The following SLC67A2 variants were observed in gnomAD, a reference collection of about 807,000 sequenced individuals.
The protein encoded by SLC67A2 is solute carrier family 67 member 2, also known as solute carrier family 67 member A2.
At chr2:102,720,429 A>G in the SLC67A2 span, among the ~76,000 whole-genome samples, 1 of 152,224 alleles carries the variant, frequency 6.6e-6, no homozygotes, top group Non-Finnish European at 1.5e-5. Flanking sequence ...TGATGATGGC[A>G]ACTAACTTCT....
At chr2:102,727,896 T>G in the SLC67A2 span, among the ~76,000 whole-genome samples, 1 of 152,342 alleles carries the variant, frequency 6.6e-6, no homozygotes, top group Admixed American at 6.5e-5. Context: ...TTTGCCTTTT[T>G]TCCTGATAAT....
chr2:102,736,789 C>T, the SLC67A2 span: 1 of 1,612,680 alleles, frequency 6.2e-7, no homozygotes, highest in Non-Finnish European at 8.5e-7. Context: ...GAGTTCATGT[C>T]CCAGTGACCC....
chr2:102,724,035 G>T, the SLC67A2 span: 1 of 773,726 alleles, frequency 1.3e-6, no homozygotes, highest in Non-Finnish European at 2.2e-6. Context: ...AGGCAGCTAT[G>T]CTCACCACTA....
At chr2:102,729,117 G>A in the SLC67A2 span, among the ~76,000 whole-genome samples, 1 of 151,932 alleles carries the variant, frequency 6.6e-6, no homozygotes, top group Admixed American at 6.6e-5. Flanking sequence ...CAGAAGTATG[G>A]GTTAAAAAGG....
the SLC67A2 span, chr2:102,718,719 C>T: frequency 3.1e-3 from 5,036 of 1,613,890 alleles, 110 homozygotes; most frequent in African/African-American, 0.053. Context: ...AGGACAACTG[C>T]ACCCATGGTG....
At chr2:102,718,336 CT>C in the SLC67A2 span, 1 of 1,519,988 alleles carries the variant, frequency 6.6e-7, no homozygotes, top group African/African-American at 1.4e-5. Context: ...CACCCCAACC[CT>C]TTCCAAAGTG....
chr2:102,732,268 G>T, the SLC67A2 span: 4 of 1,421,466 alleles, frequency 2.8e-6, no homozygotes, highest in Admixed American at 5.2e-5. Flanking sequence ...CAGGTACTTG[G>T]TTCAGAGGAT....
the SLC67A2 span, among the ~76,000 whole-genome samples, chr2:102,719,815 C>T: frequency 3.2e-4 from 49 of 152,290 alleles, no homozygotes; most frequent in Non-Finnish European, 5.9e-4. Flanking sequence ...TTGGCTTGAC[C>T]GATGGGCAGG....
chr2:102,735,383 C>T, the SLC67A2 span, among the ~76,000 whole-genome samples: 1 of 152,174 alleles, frequency 6.6e-6, no homozygotes, highest in Non-Finnish European at 1.5e-5. Context: ...CAACTGAACG[C>T]CTTGCATGGA....
At chr2:102,723,997 T>G in the SLC67A2 span, 2 of 1,120,686 alleles carry the variant, frequency 1.8e-6, no homozygotes, top group Non-Finnish European at 2.7e-6. Context: ...CTATCCCTGA[T>G]GGAGTTCTGA....
chr2:102,736,882 C>T, the SLC67A2 span: 1 of 1,487,272 alleles, frequency 6.7e-7, no homozygotes, highest in Non-Finnish European at 8.9e-7. Context: ...CCGCCCCGAG[C>T]GGAAGCAGGA....
the SLC67A2 span, among the ~76,000 whole-genome samples, chr2:102,723,462 T>C: frequency 6.6e-6 from 1 of 151,518 alleles, no homozygotes; most frequent in Non-Finnish European, 1.5e-5. Context: ...AGAGCAAAAC[T>C]TGGTCTCAAA....
At chr2:102,729,771 C>A in the SLC67A2 span, among the ~76,000 whole-genome samples, 1 of 152,084 alleles carries the variant, frequency 6.6e-6, no homozygotes, top group East Asian at 1.9e-4. Flanking sequence ...AGATACCAAA[C>A]TACTTTGCTG....
chr2:102,721,659 G>C, the SLC67A2 span, among the ~76,000 whole-genome samples: 9 of 148,754 alleles, frequency 6.1e-5, no homozygotes, highest in African/African-American at 2.2e-4. Context: ...TCATAGTCCT[G>C]TGTGTGTGTG....
the SLC67A2 span, among the ~76,000 whole-genome samples, chr2:102,728,680 TG>T: frequency 7.5e-3 from 1,141 of 152,272 alleles, 13 homozygotes; most frequent in African/African-American, 0.024. Context: ...TGGTATAATC[TG>T]GGATTTACAC....
chr2:102,719,203 G>A, the SLC67A2 span: 14 of 1,609,632 alleles, frequency 8.7e-6, no homozygotes, highest in East Asian at 2.2e-5. Context: ...AGAACCAAAC[G>A]AGACCTGTTA....
chr2:102,715,045 C>T, the SLC67A2 span, among the ~76,000 whole-genome samples: 4 of 152,190 alleles, frequency 2.6e-5, no homozygotes, highest in Non-Finnish European at 5.9e-5. Flanking sequence ...CACAACCTCT[C>T]CTGCGATTGC....
the SLC67A2 span, among the ~76,000 whole-genome samples, chr2:102,730,278 G>A: frequency 6.6e-6 from 1 of 152,082 alleles, no homozygotes; most frequent in Non-Finnish European, 1.5e-5. Flanking sequence ...TTGAATTCCT[G>A]GGCTCAAGCG....
At chr2:102,723,582 T>C in the SLC67A2 span, 2 of 1,034,036 alleles carry the variant, frequency 1.9e-6, no homozygotes, top group Non-Finnish European at 2.8e-6. Flanking sequence ...ATGACTTTTG[T>C]TTTTGGACGA....
Sources: allele counts gnomAD v4.1 joint callset (sites outside exome capture counted in the v4.1 genomes callset), GRCh38; gene constraint gnomAD v4.1.1; transcripts MANE v1.5; gene names NCBI Gene and HGNC (gene_info 2026-07-23, HGNC 2026-07-21).